Variants in RAB38 observed in about 807,000 individuals in gnomAD.
RAB38 encodes ras-related protein Rab-38.
RAB38 carries 15 observed loss-of-function variants against 18.4 expected under a neutral mutation model. The ratio of observed to expected loss-of-function variants is 0.82; its 90% CI spans 0.55 to 1.26. The LOEUF (loss-of-function observed/expected upper bound fraction) is 1.26. Among genes scored for constraint, RAB38 ranks in the 50% most tolerant of loss-of-function variants. The pLI is 0.00. For synonymous variants in RAB38, 101 were observed against 104.4 expected, an observed-to-expected ratio of 0.97 and a Z score of 0.20; for missense variants, 294 against 267.4, an observed-to-expected ratio of 1.10 and a Z score of -0.69.
chr11:87,845,100 A>G, the RAB38 span, among the ~76,000 whole-genome samples: 1 of 152,194 alleles, frequency 6.6e-6, no homozygotes, highest in East Asian at 1.9e-4. Flanking sequence ...GAATTTGTTG[A>G]TTTCTTGCTA....
At chr11:87,937,813 C>T in the RAB38 span, among the ~76,000 whole-genome samples, 179 of 148,782 alleles carry the variant, frequency 1.2e-3, 1 homozygote, top group East Asian at 5.7e-3. Flanking sequence ...ATTGCTTGGC[C>T]GGCGCTTTCT....
the RAB38 span, among the ~76,000 whole-genome samples, chr11:88,060,883 T>C: frequency 2.6e-5 from 4 of 152,232 alleles, no homozygotes; most frequent in Non-Finnish European, 4.4e-5. Context: ...TGCTGAATTA[T>C]GTAAGGTGAT....
chr11:88,108,066 C>T, the RAB38 span, among the ~76,000 whole-genome samples: 2 of 152,074 alleles, frequency 1.3e-5, no homozygotes, highest in African/African-American at 2.4e-5. Flanking sequence ...AGAATAAGTG[C>T]AACGTGGTGC....
chr11:87,916,889 A>G, the RAB38 span, among the ~76,000 whole-genome samples: 1 of 152,190 alleles, frequency 6.6e-6, no homozygotes, highest in Non-Finnish European at 1.5e-5. Context: ...TAGTGGACTG[A>G]CTAAATGAAG....
At chr11:88,044,008 TC>T in the RAB38 span, among the ~76,000 whole-genome samples, 1 of 152,160 alleles carries the variant, frequency 6.6e-6, no homozygotes, top group Non-Finnish European at 1.5e-5. Context: ...TCAACCTCTT[TC>T]TCCTTTTAAT....
At chr11:88,112,115 C>A (rs934212513), downstream of RAB38, among the ~76,000 whole-genome samples, 1 of 152,200 alleles carries the variant, frequency 6.6e-6, no homozygotes, top group Non-Finnish European at 1.5e-5. Flanking sequence ...CCGGCCTTAT[C>A]GCCATGATCC....
At chr11:88,048,419 C>T in the RAB38 span, among the ~76,000 whole-genome samples, 1 of 152,180 alleles carries the variant, frequency 6.6e-6, no homozygotes, top group African/African-American at 2.4e-5. Context: ...CCCTTACCAT[C>T]CTCAATCTTC....
chr11:87,914,006 T>G, the RAB38 span, among the ~76,000 whole-genome samples: 195 of 151,846 alleles, frequency 1.3e-3, no homozygotes, highest in African/African-American at 4.6e-3. Context: ...GAAAACAGAG[T>G]AAGGTAGAAA....
chr11:87,855,668 G>C, the RAB38 span, among the ~76,000 whole-genome samples: 1 of 152,088 alleles, frequency 6.6e-6, no homozygotes, highest in Non-Finnish European at 1.5e-5. Context: ...ACGTAAAGCT[G>C]TCTTATAGAA....
At chr11:87,848,577 C>A in the RAB38 span, among the ~76,000 whole-genome samples, 1 of 151,970 alleles carries the variant, frequency 6.6e-6, no homozygotes. Context: ...GTATATTCCA[C>A]AACAAAATCC....
In RAB38 at chr11:88,155,401, A is replaced by G. The variant is rs545003473; in HGVS notation, c.203-5446T>C. 3.9e-5 allele frequency among the ~76,000 whole-genome samples: 6 copies of G among 152,340 alleles called. No homozygotes were observed. In the South Asian group the frequency reaches 8.3e-4, roughly 21 times the overall value. The stretch of plus-strand genomic sequence containing the variant: ...CTTACAGGTCAAACTGCACAGCCCA[A>G]TAAAAAACCTGCAGAAAGAAGTACA... On this transcript the variant is annotated intron_variant, in intron 1 of 2. Transcript: ENST00000243662.
At chr11:88,065,679 T>C in the RAB38 span, among the ~76,000 whole-genome samples, 1 of 152,194 alleles carries the variant, frequency 6.6e-6, no homozygotes, top group African/African-American at 2.4e-5. Flanking sequence ...TTTATTACTC[T>C]ACAAATGCAC....
the RAB38 span, among the ~76,000 whole-genome samples, chr11:87,953,572 CATT>C: frequency 2.8e-4 from 43 of 152,088 alleles, no homozygotes; most frequent in South Asian, 1.9e-3. Context: ...TAATTGTTTA[CATT>C]ATTATTATTT....
chr11:87,940,460 C>T, the RAB38 span, among the ~76,000 whole-genome samples: 1 of 151,966 alleles, frequency 6.6e-6, no homozygotes, highest in African/African-American at 2.4e-5. Context: ...CTCCATAGAA[C>T]AGGAAAGCAA....
chr11:87,835,482 G>A, the RAB38 span, among the ~76,000 whole-genome samples: 3 of 152,160 alleles, frequency 2.0e-5, no homozygotes, highest in African/African-American at 7.2e-5. Context: ...GGGCCAAATT[G>A]TGTGTCCTCG....
At chr11:88,030,231 G>C in the RAB38 span, among the ~76,000 whole-genome samples, 95 of 152,334 alleles carry the variant, frequency 6.2e-4, 1 homozygote, top group South Asian at 0.014. Context: ...TTAAGGCAGT[G>C]TGTAGAGAGA....
the RAB38 span, among the ~76,000 whole-genome samples, chr11:88,026,903 G>A: frequency 1.3e-5 from 2 of 152,104 alleles, no homozygotes; most frequent in South Asian, 4.2e-4. Context: ...TAACAAAGCT[G>A]GCAAATCTAA....
At chr11:88,137,877 T>G (rs1457518492) in intron 2 of RAB38, among the ~76,000 whole-genome samples, 1 of 152,222 alleles carries the variant, frequency 6.6e-6, no homozygotes, top group Non-Finnish European at 1.5e-5. Flanking sequence ...TGCTAAATGC[T>G]GTATTACAAT....
At chr11:87,868,371 C>A in the RAB38 span, among the ~76,000 whole-genome samples, 1 of 151,604 alleles carries the variant, frequency 6.6e-6, no homozygotes, top group Non-Finnish European at 1.5e-5. Context: ...GCCTGAAGCC[C>A]TCAACAGAAG....
Sources: gnomAD v4.1 joint callset for allele counts (sites outside exome capture counted in the v4.1 genomes callset) on GRCh38, gnomAD v4.1.1 for gene constraint, MANE v1.5 for transcripts, NCBI Gene and HGNC (gene_info 2026-07-23, HGNC 2026-07-21) for gene names.